Variants in SLC44A5 observed in about 807,000 individuals in gnomAD.
The protein encoded by SLC44A5 is choline transporter-like protein 5.
A neutral mutation model predicts 101.8 loss-of-function variants in SLC44A5; 57 were observed. The observed-to-expected ratio is 0.56, with a 90% CI of 0.45 to 0.70. The LOEUF (loss-of-function observed/expected upper bound fraction) is 0.70. SLC44A5 is among the 30% of genes least tolerant of loss of function. SLC44A5 has a pLI of 0.00. For synonymous variants in SLC44A5, 281 were observed against 290.9 expected (o/e 0.97, Z 0.35); for missense variants, 737 against 853.1 (o/e 0.86, Z 1.70).
chr1:75,363,920 A>C (rs1053913121), intron 3 of SLC44A5, among the ~76,000 whole-genome samples: 2 of 152,164 alleles, frequency 1.3e-5, no homozygotes, highest in Non-Finnish European at 2.9e-5. Context: ...TCATTCCTGA[A>C]GGACAGCTTT....
At chr1:75,583,483 T>C (rs1020483341) in intron 1 of SLC44A5, among the ~76,000 whole-genome samples, 2 of 152,184 alleles carry the variant, frequency 1.3e-5, no homozygotes, top group African/African-American at 4.8e-5. Context: ...TAGGGTCCTC[T>C]TGACTCACAG....
At chr1:75,419,183 G>GA (rs1663843259) in intron 2 of SLC44A5, among the ~76,000 whole-genome samples, 1 of 151,806 alleles carries the variant, frequency 6.6e-6, no homozygotes, top group Non-Finnish European at 1.5e-5. Flanking sequence ...GAGAAGGGCA[G>GA]AAAAATATTT....
chr1:75,676,537 T>A, the SLC44A5 span, among the ~76,000 whole-genome samples: 1 of 152,082 alleles, frequency 6.6e-6, no homozygotes, highest in Non-Finnish European at 1.5e-5. Flanking sequence ...ACACTGGGGC[T>A]TGTTGGGAAA....
At chr1:75,656,109 T>C in the SLC44A5 span, among the ~76,000 whole-genome samples, 1 of 152,094 alleles carries the variant, frequency 6.6e-6, no homozygotes, top group Non-Finnish European at 1.5e-5. Flanking sequence ...AATGACATCT[T>C]CAAAGTGCTG....
At chr1:75,398,168 T>C (rs967034682) in intron 2 of SLC44A5, among the ~76,000 whole-genome samples, 5 of 152,188 alleles carry the variant, frequency 3.3e-5, no homozygotes, top group Non-Finnish European at 5.9e-5. Flanking sequence ...ATGTTCCGAA[T>C]ACATTTTTAA....
In SLC44A5 at chr1:75,227,791, T is replaced by C. The variant is rs766240991; in HGVS notation, c.920A>G (p.Tyr307Cys). Reference protein sequence around the residue: ...QERPSSVLTIYDIGIQTNISM... With the variant: ...QERPSSVLTICDIGIQTNISM... ...TATGTTAGTCTGAATCCCGATGTCA[T>C]AGATAGTTAATACAGAACTTGGGCG... is the stretch of plus-strand genomic sequence containing the variant. Residue 307 changes from tyrosine to cysteine, a missense_variant, in exon 13 of 24, where the codon TAT (tyrosine) becomes TGT (cysteine). Tyr to Cys is a radical substitution (Grantham distance 194). Transcript: ENST00000370859. 6 of 1,596,380 alleles carry C rather than the reference T, an allele frequency of 3.8e-6. No individual in the cohort carries two copies. In the South Asian group the frequency reaches 5.7e-5, roughly 15 times the overall value.
At chr1:75,695,963 C>CT in the SLC44A5 span, among the ~76,000 whole-genome samples, 71 of 145,488 alleles carry the variant, frequency 4.9e-4, no homozygotes, top group African/African-American at 4.5e-4. Context: ...GGAAACTAGC[C>CT]TTTTTTTTTT....
intron 3 of SLC44A5, among the ~76,000 whole-genome samples, chr1:75,378,920 C>T (rs1362701148): frequency 1.2e-5 from 1 of 82,102 alleles, no homozygotes; most frequent in Non-Finnish European, 2.1e-5. Flanking sequence ...GGGCAGGGCG[C>T]CATACCCTCA....
intron 1 of SLC44A5, among the ~76,000 whole-genome samples, chr1:75,570,405 G>A (rs1176046325): frequency 1.3e-5 from 2 of 152,106 alleles, no homozygotes; most frequent in African/African-American, 4.8e-5. Flanking sequence ...CAAAGAGAAA[G>A]GCTAAACCTC....
chr1:75,368,643 G>GCACACACACACACA (rs10598515), intron 3 of SLC44A5, among the ~76,000 whole-genome samples: 15 of 144,012 alleles, frequency 1.0e-4, no homozygotes, highest in African/African-American at 3.8e-4. Context: ...AAATGTGCAT[G>GCACACACACACACA]CACACACACA....
chr1:75,601,347 G>A (rs980737108), intron 1 of SLC44A5, among the ~76,000 whole-genome samples: 1 of 150,230 alleles, frequency 6.7e-6, no homozygotes, highest in Non-Finnish European at 1.5e-5. Context: ...GACACAGGGA[G>A]GGGAACATCA....
intron 4 of SLC44A5, among the ~76,000 whole-genome samples, chr1:75,331,606 G>C (rs150091306): frequency 1.3e-5 from 2 of 152,218 alleles, no homozygotes; most frequent in African/African-American, 4.8e-5. Flanking sequence ...GTCAGGATGA[G>C]TTTTAAAAAC....
At chr1:75,570,106 C>T (rs1672996983) in intron 1 of SLC44A5, among the ~76,000 whole-genome samples, 2 of 152,330 alleles carry the variant, frequency 1.3e-5, no homozygotes, top group South Asian at 2.1e-4. Context: ...TGGGAGGGGA[C>T]ATTCTCTGGC....
At chr1:75,203,892 C>T (rs551888405) in intron 23 of SLC44A5, 59 bp from the exon 24 acceptor site, 624 of 1,482,520 alleles carry the variant, frequency 4.2e-4, no homozygotes, top group Non-Finnish European at 5.4e-4. Flanking sequence ...GAAGTAACAC[C>T]GCCATCTGCT....
At chr1:75,298,655 G>A (rs1324630556) in intron 5 of SLC44A5, among the ~76,000 whole-genome samples, 1 of 151,954 alleles carries the variant, frequency 6.6e-6, no homozygotes, top group African/African-American at 2.4e-5. Context: ...GAAGGAATAA[G>A]GCCTCCTAGT....
At chr1:75,349,515 A>G (rs1238478715) in intron 3 of SLC44A5, among the ~76,000 whole-genome samples, 2 of 152,188 alleles carry the variant, frequency 1.3e-5, no homozygotes, top group Admixed American at 1.3e-4. Context: ...TCTGGTGAAA[A>G]TATGTTCAAA....
chr1:75,456,796 G>A (rs1219650697), intron 2 of SLC44A5, among the ~76,000 whole-genome samples: 2 of 152,192 alleles, frequency 1.3e-5, no homozygotes, highest in Non-Finnish European at 2.9e-5. Context: ...AGAAAGTTGT[G>A]CCTGCTTATT....
At chr1:75,603,145 C>A (rs1344837550) in intron 1 of SLC44A5, among the ~76,000 whole-genome samples, 1 of 151,994 alleles carries the variant, frequency 6.6e-6, no homozygotes, top group Admixed American at 6.6e-5. Flanking sequence ...TCCCTCTCCA[C>A]TCTAGCAGTC....
intron 3 of SLC44A5, among the ~76,000 whole-genome samples, chr1:75,387,023 C>G (rs1391939631): frequency 1.3e-5 from 2 of 151,822 alleles, no homozygotes; most frequent in African/African-American, 4.8e-5. Context: ...AAAGCTGAAA[C>G]TGGATCCCTT....
Sources: gnomAD v4.1 joint callset for allele counts (sites outside exome capture counted in the v4.1 genomes callset) on GRCh38, gnomAD v4.1.1 for gene constraint, MANE v1.5 for transcripts, NCBI Gene and HGNC (gene_info 2026-07-23, HGNC 2026-07-21) for gene names.